Variants in MOSMO observed in about 807,000 individuals in gnomAD.
MOSMO encodes the protein modulator of smoothened.
Under a neutral mutation model 18.4 loss-of-function variants are expected in MOSMO, and 5 were observed. That is an observed-to-expected ratio of 0.27 (90% CI 0.14 to 0.57). The LOEUF (loss-of-function observed/expected upper bound fraction) is 0.57, where lower values mean the gene tolerates loss of function less well. Among genes scored for constraint, MOSMO ranks in the 20% least tolerant of loss-of-function variants. The pLI, the probability that MOSMO is intolerant of heterozygous loss-of-function variation, is 0.92. For synonymous variants in MOSMO, 82 were observed against 82.3 expected (o/e 1.00, Z 0.02); for missense variants, 138 against 211.8 (o/e 0.65, Z 2.16).
At chr16:22,013,581 G>A (rs959416535) in intron 1 of MOSMO, among the ~76,000 whole-genome samples, 2 of 152,064 alleles carry the variant, frequency 1.3e-5, no homozygotes, top group African/African-American at 4.8e-5. Context: ...TAAATGGTCT[G>A]CAGATCCCTT....
At chr16:22,076,937 A>C (rs543141340) in intron 2 of MOSMO, among the ~76,000 whole-genome samples, 1 of 152,224 alleles carries the variant, frequency 6.6e-6, no homozygotes, top group Non-Finnish European at 1.5e-5. Flanking sequence ...GAGTGAAACA[A>C]GTTGGTGACC....
At chr16:22,033,756 C>G (rs1161980487) in intron 1 of MOSMO, among the ~76,000 whole-genome samples, 1 of 151,726 alleles carries the variant, frequency 6.6e-6, no homozygotes, top group African/African-American at 2.4e-5. Context: ...GGAGGCGGAG[C>G]TTGCAGTGAG....
intron 1 of MOSMO, among the ~76,000 whole-genome samples, chr16:22,017,388 T>C (rs1268757362): frequency 1.3e-5 from 2 of 152,230 alleles, no homozygotes; most frequent in Admixed American, 1.3e-4. Context: ...TGATGGTTTA[T>C]ATAACATGAC....
At chr16:22,018,150 G>A (rs141654763) in intron 1 of MOSMO, among the ~76,000 whole-genome samples, 8 of 152,096 alleles carry the variant, frequency 5.3e-5, no homozygotes, top group African/African-American at 1.7e-4. Context: ...TATATATTGA[G>A]CAAAAAGGCA....
At chr16:22,019,269 C>G (rs990401670) in intron 1 of MOSMO, among the ~76,000 whole-genome samples, 1 of 152,182 alleles carries the variant, frequency 6.6e-6, no homozygotes, top group African/African-American at 2.4e-5. Flanking sequence ...AATGTACATT[C>G]TAGCCCCTCT....
intron 1 of MOSMO, among the ~76,000 whole-genome samples, chr16:22,009,804 CAAAAAAAAAAAAAAAAAAAAA>C (rs56313303): frequency 8.3e-5 from 3 of 35,962 alleles, no homozygotes; most frequent in South Asian, 1.9e-3. Context: ...ACTAAAAATA[CAAAAAAAAAAAAAAAAAAAAA>C]AAAAAAAAAA....
rs1009056030 is a variant in MOSMO, at chr16:22,084,624, A to C, written c.*3744A>C. 14 of 152,220 alleles carry C rather than the reference A, an allele frequency of 9.2e-5. No homozygotes were observed. Among genetic ancestry groups the C allele is most frequent in the Admixed American group, 8.5e-4 (13 of 15,280 alleles). 9.4% of individuals were successfully genotyped at this position (152,220 alleles called of 1,614,324 possible). ...ATTTTTGTTATTGAGCAAGTTTATCAAAATAAATTGTCTACTAAAGAAACT... is the reference window on the plus strand; with the variant it reads ...ATTTTTGTTATTGAGCAAGTTTATCCAAATAAATTGTCTACTAAAGAAACT... On this transcript the variant is annotated 3_prime_UTR_variant, in exon 3 of 3. Coordinates refer to ENST00000542527, the MANE Select transcript of MOSMO (RefSeq NM_001164579.2).
intron 1 of MOSMO, among the ~76,000 whole-genome samples, chr16:22,038,955 G>A (rs1365191307): frequency 6.6e-6 from 1 of 152,180 alleles, no homozygotes; most frequent in Non-Finnish European, 1.5e-5. Flanking sequence ...CTCTGTAATA[G>A]ACATTGAAGT....
At chr16:22,024,369 C>CTTT (rs34009075) in intron 1 of MOSMO, among the ~76,000 whole-genome samples, 1 of 144,970 alleles carries the variant, frequency 6.9e-6, no homozygotes, top group Non-Finnish European at 1.5e-5. Flanking sequence ...TCTTTGAAAA[C>CTTT]TTTTTTTTTT....
Position 22,083,859 on chromosome 16 carries a change from C to T in MOSMO, c.*2979C>T. ...TAAAAGCAAACATTTCAGTATGATTCTTTCCAAAGGTAATCCATGTTCTAT... is the reference window on the plus strand; with the variant it reads ...TAAAAGCAAACATTTCAGTATGATTTTTTCCAAAGGTAATCCATGTTCTAT... On this transcript the variant is annotated 3_prime_UTR_variant, in exon 3 of 3. Transcript: ENST00000542527. 1 of 353,288 alleles carries T rather than the reference C, an allele frequency of 2.8e-6. No homozygotes were observed. Among genetic ancestry groups the T allele is most frequent in the South Asian group, 2.2e-5 (1 of 44,854 alleles). 21.9% of individuals were successfully genotyped at this position (353,288 alleles called of 1,614,324 possible).
At chr16:22,036,063 C>T (rs1313231166) in intron 1 of MOSMO, among the ~76,000 whole-genome samples, 1 of 152,124 alleles carries the variant, frequency 6.6e-6, no homozygotes, top group Non-Finnish European at 1.5e-5. Context: ...GATGTTACCT[C>T]CAGTACATGT....
At chr16:22,049,587 CTA>C (rs1342980616) in intron 1 of MOSMO, among the ~76,000 whole-genome samples, 2 of 152,226 alleles carry the variant, frequency 1.3e-5, no homozygotes, top group African/African-American at 2.4e-5. Flanking sequence ...CATATAAAGA[CTA>C]TTACCCCTTC....
chr16:22,053,895 T>C (rs1177994775), intron 1 of MOSMO, among the ~76,000 whole-genome samples: 1 of 152,236 alleles, frequency 6.6e-6, no homozygotes, highest in Non-Finnish European at 1.5e-5. Context: ...CTTTATGCTA[T>C]ACTCTTTTTG....
In MOSMO at chr16:22,008,287, G is replaced by A; in HGVS notation, c.-15G>A. ...CTGTCCGGGGCTCGGGGGGTGGGGGGAGCGGGGCGGGGAGATGGATAAACT... is the reference window on the plus strand; with the variant it reads ...CTGTCCGGGGCTCGGGGGGTGGGGGAAGCGGGGCGGGGAGATGGATAAACT... On this transcript the variant is annotated 5_prime_UTR_variant, in exon 1 of 3. Coordinates refer to ENST00000542527, the MANE Select transcript of MOSMO (RefSeq NM_001164579.2). 2 of 1,467,366 alleles carry A rather than the reference G, an allele frequency of 1.4e-6. No individual in the cohort carries two copies. The highest frequency in any genetic ancestry group is 1.2e-5 in the South Asian group (1 of 81,206). The allele number at this position is 1,467,366 out of a possible 1,614,324, so 90.9% of individuals were successfully genotyped here.
chr16:22,028,247 T>C (rs1899916568), intron 1 of MOSMO, among the ~76,000 whole-genome samples: 1 of 152,150 alleles, frequency 6.6e-6, no homozygotes, highest in Non-Finnish European at 1.5e-5. Context: ...AACTTTCCTT[T>C]ATTATGATTA....
At chr16:22,035,272 T>C (rs1049216566) in intron 1 of MOSMO, among the ~76,000 whole-genome samples, 1 of 151,970 alleles carries the variant, frequency 6.6e-6, no homozygotes, top group African/African-American at 2.4e-5. Flanking sequence ...AGGGCTGGAG[T>C]TGGGTATTCA....
chr16:22,021,014 G>A (rs1440820584), intron 1 of MOSMO, among the ~76,000 whole-genome samples: 3 of 151,080 alleles, frequency 2.0e-5, no homozygotes, highest in Non-Finnish European at 3.0e-5. Context: ...AGGAAGATAC[G>A]TATGAGTGAA....
At chr16:22,048,162 A>T (rs1432342454) in intron 1 of MOSMO, among the ~76,000 whole-genome samples, 1 of 152,184 alleles carries the variant, frequency 6.6e-6, no homozygotes, top group South Asian at 2.1e-4. Flanking sequence ...TATAGAGCCA[A>T]ATTCCCAAAT....
At chr16:22,043,856 G>A (rs1004339662) in intron 1 of MOSMO, among the ~76,000 whole-genome samples, 7 of 152,152 alleles carry the variant, frequency 4.6e-5, no homozygotes, top group African/African-American at 1.7e-4. Context: ...CCGTTTTCAT[G>A]CTGCTGATAA....
Sources: gnomAD v4.1 joint callset for allele counts (sites outside exome capture counted in the v4.1 genomes callset) on GRCh38, gnomAD v4.1.1 for gene constraint, MANE v1.5 for transcripts, NCBI Gene and HGNC (gene_info 2026-07-23, HGNC 2026-07-21) for gene names.